The following DCT variants were observed in gnomAD, a reference collection of about 807,000 sequenced individuals.
DCT encodes dopachrome tautomerase, also known as L-dopachrome tautomerase.
DCT carries 47 observed loss-of-function variants against 53.0 expected under a neutral mutation model. That is an observed-to-expected ratio of 0.89 (90% CI 0.70 to 1.13). The LOEUF (loss-of-function observed/expected upper bound fraction) is 1.13, where lower values mean the gene tolerates loss of function less well. DCT is among the 50% of genes most tolerant of loss of function. The pLI is 0.00. For missense variants in DCT, 669 were observed against 637.4 expected (o/e 1.05, Z -0.53); for synonymous variants, 244 against 237.0 (o/e 1.03, Z -0.27).
chr13:94,522,507 T>G, the DCT span, among the ~76,000 whole-genome samples: 4 of 152,294 alleles, frequency 2.6e-5, no homozygotes, highest in South Asian at 8.3e-4. Context: ...CCTTTATATA[T>G]ATATATAAAT....
At chr13:94,525,798 G>A in the DCT span, among the ~76,000 whole-genome samples, 1 of 152,154 alleles carries the variant, frequency 6.6e-6, no homozygotes, top group Admixed American at 6.5e-5. Flanking sequence ...TTTGATACCA[G>A]CCTGGGCAAC....
intron 1 of DCT, among the ~76,000 whole-genome samples, chr13:94,469,310 C>T (rs924909087): frequency 5.9e-5 from 9 of 152,104 alleles, no homozygotes; most frequent in African/African-American, 1.7e-4. Flanking sequence ...AACCGTGTCC[C>T]CGAAGTCCTA....
the DCT span, among the ~76,000 whole-genome samples, chr13:94,500,446 T>C: frequency 6.6e-6 from 1 of 152,210 alleles, no homozygotes; most frequent in African/African-American, 2.4e-5. Context: ...ATCTCCCACC[T>C]GGTCCCTCCC....
chr13:94,516,725 C>G, the DCT span, among the ~76,000 whole-genome samples: 2 of 152,112 alleles, frequency 1.3e-5, no homozygotes, highest in East Asian at 1.9e-4. Context: ...AGTCCACCCC[C>G]CCTCACCATG....
the DCT span, among the ~76,000 whole-genome samples, chr13:94,507,417 G>A: frequency 1.3e-5 from 2 of 151,850 alleles, no homozygotes; most frequent in African/African-American, 4.8e-5. Context: ...CACCACAAGC[G>A]AACAGGTGCA....
At chr13:94,455,956 G>T (rs552857679) in intron 6 of DCT, among the ~76,000 whole-genome samples, 1 of 152,124 alleles carries the variant, frequency 6.6e-6, no homozygotes, top group East Asian at 1.9e-4. Flanking sequence ...ACTTAGAGAC[G>T]TATAGTATAA....
intron 1 of DCT, among the ~76,000 whole-genome samples, chr13:94,472,905 T>C (rs1884841323): frequency 6.6e-6 from 1 of 152,126 alleles, no homozygotes; most frequent in Non-Finnish European, 1.5e-5. Context: ...TGTGTTATTA[T>C]TACTAGTATT....
At chr13:94,521,745 C>T in the DCT span, among the ~76,000 whole-genome samples, 2 of 152,132 alleles carry the variant, frequency 1.3e-5, no homozygotes, top group South Asian at 4.1e-4. Flanking sequence ...TTGTTAACAG[C>T]TTTATTAAGA....
chr13:94,452,474 C>CT (rs1323236245), intron 6 of DCT: 6 of 605,936 alleles, frequency 9.9e-6, no homozygotes, highest in Non-Finnish European at 1.7e-5. Flanking sequence ...AACTGTGGCT[C>CT]TGACACATAG....
At chr13:94,497,092 C>T in the DCT span, among the ~76,000 whole-genome samples, 6 of 152,144 alleles carry the variant, frequency 3.9e-5, no homozygotes, top group Admixed American at 2.0e-4. Flanking sequence ...GATATTTCTG[C>T]GGGGTATTTT....
the DCT span, among the ~76,000 whole-genome samples, chr13:94,505,305 T>C: frequency 6.6e-6 from 1 of 151,918 alleles, no homozygotes; most frequent in Non-Finnish European, 1.5e-5. Flanking sequence ...TATTCTAAGG[T>C]CTCTTTCAGC....
At chr13:94,452,258 C>A (rs1002540660) in intron 6 of DCT, among the ~76,000 whole-genome samples, 4 of 152,188 alleles carry the variant, frequency 2.6e-5, no homozygotes, top group Non-Finnish European at 5.9e-5. Flanking sequence ...GTCTTGAACT[C>A]CTGACCTCAG....
the DCT span, among the ~76,000 whole-genome samples, chr13:94,494,856 T>C: frequency 3.0e-3 from 464 of 152,338 alleles, 3 homozygotes; most frequent in African/African-American, 0.011. Context: ...TTTAACAATA[T>C]GTTATGCATA....
chr13:94,472,882 G>A (rs745644368), intron 1 of DCT, among the ~76,000 whole-genome samples: 31 of 151,922 alleles, frequency 2.0e-4, no homozygotes, highest in Non-Finnish European at 2.8e-4. Context: ...GCACCCTGCC[G>A]TGAGTTCTAT....
At chr13:94,440,154 C>T in intron 7 of DCT, 78 bp from the exon 8 acceptor site, 1 of 1,264,790 alleles carries the variant, frequency 7.9e-7, no homozygotes, top group Non-Finnish European at 1.1e-6. Context: ...AGCAAGCGCA[C>T]TTGCCTTTCA....
chr13:94,531,938 T>C, the DCT span, among the ~76,000 whole-genome samples: 4 of 151,606 alleles, frequency 2.6e-5, no homozygotes, highest in Non-Finnish European at 5.9e-5. Flanking sequence ...TTAAACAAAT[T>C]TACAAGAAAA....
the DCT span, among the ~76,000 whole-genome samples, chr13:94,488,821 CATAT>C: frequency 7.5e-5 from 10 of 133,700 alleles, no homozygotes; most frequent in Admixed American, 3.1e-4. Context: ...ATACACACAC[CATAT>C]ATATACATAC....
At chr13:94,502,792 G>T in the DCT span, among the ~76,000 whole-genome samples, 1 of 151,790 alleles carries the variant, frequency 6.6e-6, no homozygotes, top group Non-Finnish European at 1.5e-5. Flanking sequence ...TCTCCTCGCT[G>T]CACTCTCTCC....
rs760651594 is a variant in DCT at position 94,468,797 on chromosome 13, A to C, written c.544T>G (p.Tyr182Asp). ...TQPQFANCSV[Y>D]DFFVWLHYYS... ...TAATGGAGCCACACAAAAAAATCAT[A>C]AACACTGCAGTTGGCAAACTGCGGC... is the stretch of plus-strand genomic sequence containing the variant. The change falls in exon 2 of 8, where the codon TAT becomes GAT. Residue 182 changes from tyrosine to aspartate, a missense_variant. Coordinates refer to ENST00000377028, the MANE Select transcript of DCT (RefSeq NM_001922.5). The C allele has an allele frequency of 2.5e-6, 4 of 1,614,082 alleles. No homozygotes were observed. The Admixed American group carries it at 5.0e-5, about 20-fold the overall frequency.
Sources: allele counts gnomAD v4.1 joint callset (sites outside exome capture counted in the v4.1 genomes callset), GRCh38; gene constraint gnomAD v4.1.1; transcripts MANE v1.5; gene names NCBI Gene and HGNC (gene_info 2026-07-23, HGNC 2026-07-21).